The following CSMD2 variants were observed in gnomAD, a reference collection of about 807,000 sequenced individuals.
CSMD2 encodes CUB and sushi domain-containing protein 2.
In CSMD2, 130 loss-of-function variants were observed where a neutral mutation model predicts 398.5. The observed-to-expected ratio is 0.33, with a 90% CI of 0.28 to 0.38. The LOEUF is 0.38. Ranked by LOEUF, CSMD2 falls within the 10% of genes least tolerant of loss-of-function variation. The probability of loss-of-function intolerance (pLI) is 1.00; values close to 1 mark genes in which losing one functional copy is unlikely to be tolerated. For missense variants in CSMD2, 3,829 were observed against 4,764.9 expected (o/e 0.80, Z 5.78); for synonymous variants, 1,828 against 1,908.5 (o/e 0.96, Z 1.10).
At chr1:33,748,081 A>G (rs1459291004) in intron 13 of CSMD2, among the ~76,000 whole-genome samples, 2 of 152,188 alleles carry the variant, frequency 1.3e-5, no homozygotes, top group Non-Finnish European at 2.9e-5. Flanking sequence ...TGATAAACTG[A>G]CACTCTTAGA....
At chr1:33,936,689 G>C (rs1644491277) in intron 3 of CSMD2, among the ~76,000 whole-genome samples, 1 of 152,236 alleles carries the variant, frequency 6.6e-6, no homozygotes, top group Admixed American at 6.5e-5. Context: ...AATAAGGAGG[G>C]AGGGAGGACA....
chr1:34,068,469 GTTA>G (rs1478166211), intron 2 of CSMD2, among the ~76,000 whole-genome samples: 1 of 152,206 alleles, frequency 6.6e-6, no homozygotes, highest in African/African-American at 2.4e-5. Context: ...TCATACCCAT[GTTA>G]TTATTAGCAT....
At chr1:33,552,830 G>A (rs1657588493) in intron 55 of CSMD2, among the ~76,000 whole-genome samples, 1 of 152,154 alleles carries the variant, frequency 6.6e-6, no homozygotes, top group Non-Finnish European at 1.5e-5. Context: ...AATGATGAAA[G>A]TGTTCTGGAA....
rs533030965 is a variant in CSMD2 at position 34,036,999 on chromosome 1, G to T, written c.405-4293C>A. On this transcript the variant is annotated intron_variant, in intron 2 of 70. Coordinates refer to ENST00000373381, the MANE Select transcript of CSMD2 (RefSeq NM_001281956.2). ...TGGACACATACACCCTTTCCCTATG[G>T]TACATATGCCCTGGGTCTGGGGAGT... Among the ~76,000 whole-genome samples, 7 of 152,122 alleles carry T rather than the reference G, an allele frequency of 4.6e-5. No homozygotes were observed. In the East Asian group the frequency reaches 1.4e-3, roughly 29 times the overall value.
Position 33,524,938 on chromosome 1 carries a change from T to C in CSMD2, c.10340A>G (p.Asn3447Ser). ...MLRVTGFQVA[N>S]SKVNATMIDH... The stretch of plus-strand genomic sequence containing the variant: ...GATCATGGTGGCATTGACCTTGCTG[T>C]TGGCAACTTGGAAGCCAGTCACTCT... Residue 3447 changes from asparagine (N) to serine (S), a missense_variant, in exon 66 of 71, where the codon AAC becomes AGC. Coordinates refer to ENST00000373381, the MANE Select transcript of CSMD2 (RefSeq NM_001281956.2). The C allele has an allele frequency of 1.2e-6, 2 of 1,614,234 alleles. No individual in the cohort carries two copies. Among genetic ancestry groups the C allele is most frequent in the Non-Finnish European group, 1.7e-6 (2 of 1,180,026 alleles).
intron 6 of CSMD2, among the ~76,000 whole-genome samples, chr1:33,832,792 G>A (rs1303575117): frequency 6.6e-6 from 1 of 151,422 alleles, no homozygotes; most frequent in Non-Finnish European, 1.5e-5. Context: ...GAATCAAACA[G>A]ACACAATAAA....
intron 2 of CSMD2, among the ~76,000 whole-genome samples, chr1:34,050,041 GC>G (rs1173651476): frequency 6.6e-6 from 1 of 152,172 alleles, no homozygotes; most frequent in Non-Finnish European, 1.5e-5. Flanking sequence ...CCAGAATCAG[GC>G]CATTCTGGCA....
chr1:33,984,214 G>A (rs1646271012), intron 3 of CSMD2, among the ~76,000 whole-genome samples: 2 of 151,858 alleles, frequency 1.3e-5, no homozygotes, highest in African/African-American at 4.8e-5. Context: ...TTACTCCTGA[G>A]TCAGAATCTC....
At chr1:33,644,965 C>T (rs1019401434) in intron 29 of CSMD2, among the ~76,000 whole-genome samples, 5 of 152,154 alleles carry the variant, frequency 3.3e-5, no homozygotes, top group African/African-American at 1.2e-4. Flanking sequence ...TCTTCTAGAA[C>T]TGTACCCGAC....
At chr1:33,873,304 G>A (rs1640606160) in intron 5 of CSMD2, among the ~76,000 whole-genome samples, 1 of 152,148 alleles carries the variant, frequency 6.6e-6, no homozygotes, top group East Asian at 1.9e-4. Flanking sequence ...TCATTGGAGA[G>A]CCAGAGGGTA....
In CSMD2 at chr1:33,802,780, A is replaced by G. The variant is rs12081282; in HGVS notation, c.1446+7963T>C. Reference sequence around the variant, plus strand: ...CTCAATCCCGTGGCCCTCTCACTCCAGAATCTCCCTTCTGTCACCATCCCT... The same window carrying G: ...CTCAATCCCGTGGCCCTCTCACTCCGGAATCTCCCTTCTGTCACCATCCCT... On this transcript the variant is annotated intron_variant, in intron 10 of 70. Coordinates refer to ENST00000373381, the MANE Select transcript of CSMD2 (RefSeq NM_001281956.2). Among the ~76,000 whole-genome samples the G allele has an allele frequency of 6.4e-3, 979 of 152,266 alleles. 7 individuals carry two copies. Among genetic ancestry groups the G allele is most frequent in the African/African-American group, 0.022 (926 of 41,550 alleles).
intron 21 of CSMD2, among the ~76,000 whole-genome samples, chr1:33,712,787 C>A (rs565161750): frequency 6.6e-6 from 1 of 152,208 alleles, no homozygotes; most frequent in Non-Finnish European, 1.5e-5. Flanking sequence ...ATGAACTGAA[C>A]CTTCCTGGGG....
intron 25 of CSMD2, among the ~76,000 whole-genome samples, chr1:33,675,007 G>A (rs1295291761): frequency 6.6e-6 from 1 of 152,174 alleles, no homozygotes; most frequent in African/African-American, 2.4e-5. Context: ...GAGAAAGCAG[G>A]AAAGATCCAA....
chr1:33,537,096 CTGGA>C lies in CSMD2; in HGVS notation c.9806-5_9806-2del. ...TCCGCACACGTGGTCAGGGTCGGATCTGGATGGCCAAAACAAAGACACAGATCAC... is the reference window on the plus strand; with the variant it reads ...TCCGCACACGTGGTCAGGGTCGGATCTGGCCAAAACAAAGACACAGATCAC... On this transcript the variant is annotated splice_acceptor_variant and splice_polypyrimidine_tract_variant and intron_variant, in intron 61 of 70. Coordinates refer to ENST00000373381, the MANE Select transcript of CSMD2 (RefSeq NM_001281956.2). LOFTEE classifies it high-confidence loss of function. This position sits in a 1 kb window ranked among gnomAD's most constrained non-coding sequence, Gnocchi z 4.6. 2 of 1,614,174 alleles carry C rather than the reference CTGGA, an allele frequency of 1.2e-6. No individual in the cohort carries two copies. The highest frequency in any genetic ancestry group is 1.7e-6 in the Non-Finnish European group (2 of 1,180,034).
intron 5 of CSMD2, among the ~76,000 whole-genome samples, chr1:33,912,984 T>C (rs1643538345): frequency 6.6e-6 from 1 of 152,078 alleles, no homozygotes; most frequent in Non-Finnish European, 1.5e-5. Context: ...GTCTAATTTT[T>C]GTATTTTTTG....
At chr1:33,541,834 G>T (rs971556859) in intron 58 of CSMD2, among the ~76,000 whole-genome samples, 6 of 152,256 alleles carry the variant, frequency 3.9e-5, no homozygotes, top group South Asian at 2.1e-4. Context: ...AGAACCTAAG[G>T]TATATTAATG....
intron 1 of CSMD2, among the ~76,000 whole-genome samples, chr1:34,105,074 G>A (rs1020220955): frequency 2.6e-5 from 4 of 152,144 alleles, no homozygotes; most frequent in Admixed American, 6.5e-5. Context: ...TCCCTATTTC[G>A]TGCATTAAGT....
intron 5 of CSMD2, among the ~76,000 whole-genome samples, chr1:33,866,382 TG>T (rs1204837856): frequency 6.6e-6 from 1 of 152,112 alleles, no homozygotes; most frequent in Non-Finnish European, 1.5e-5. Context: ...CAGAAAGTAA[TG>T]GGGGAGGGAC....
chr1:34,061,405 C>T (rs1454753602), intron 2 of CSMD2, among the ~76,000 whole-genome samples: 1 of 152,180 alleles, frequency 6.6e-6, no homozygotes, highest in Non-Finnish European at 1.5e-5. Flanking sequence ...GCGGCTGGGA[C>T]ACAGGGCACC....
Sources: allele counts gnomAD v4.1 joint callset (sites outside exome capture counted in the v4.1 genomes callset), GRCh38; gene constraint gnomAD v4.1.1; non-coding constraint Gnocchi (gnomAD v3.1); transcripts MANE v1.5; gene names NCBI Gene and HGNC (gene_info 2026-07-23, HGNC 2026-07-21).